Variants in NDE1 observed in about 807,000 individuals in gnomAD.
NDE1 encodes nuclear distribution protein nudE homolog 1.
Under a neutral mutation model 43.4 loss-of-function variants are expected in NDE1, and 28 were observed. The ratio of observed to expected loss-of-function variants is 0.65; its 90% CI spans 0.48 to 0.89. The LOEUF is 0.89. Among genes scored for constraint, NDE1 ranks in the 40% least tolerant of loss-of-function variants. The pLI is 0.00. For synonymous variants in NDE1, 184 were observed against 172.0 expected (o/e 1.07, Z -0.55); for missense variants, 441 against 434.1 (o/e 1.02, Z -0.14).
intron 8 of NDE1, chr16:15,697,207 T>A: frequency 2.8e-6 from 1 of 354,396 alleles, no homozygotes; most frequent in Non-Finnish European, 3.9e-6. Context: ...CGTGCTCGGC[T>A]AATTTTTTGT....
chr16:15,708,829 T>A, intron 8 of NDE1: 1 of 1,605,788 alleles, frequency 6.2e-7, no homozygotes, highest in Non-Finnish European at 8.5e-7. Context: ...AAGTTTCCTG[T>A]GGGGGGGGCC....
chr16:15,720,322 G>C lies in NDE1; in HGVS notation c.948-3869G>C, dbSNP rs1432532960. The C allele has an allele frequency of 2.0e-5, 32 of 1,612,544 alleles. No homozygotes were observed. The highest frequency in any genetic ancestry group is 2.7e-5 in the Non-Finnish European group (32 of 1,179,372). On this transcript the variant is annotated intron_variant, in intron 8 of 8. Transcript: ENST00000396354. Reference sequence around the variant, plus strand: ...TCTCATACTCGTGAAGCTGGGCGAGGAATAGAGATGTGTGCTGCCCCACTT... The same window carrying C: ...TCTCATACTCGTGAAGCTGGGCGAGCAATAGAGATGTGTGCTGCCCCACTT...
In NDE1 at chr16:15,725,973, C is replaced by T. The variant is rs1230304138; in HGVS notation, c.*1722C>T. 3.0e-6 allele frequency: 1 copy of T among 335,662 alleles called. No individual in the cohort carries two copies. 20.8% of individuals were successfully genotyped at this position (335,662 alleles called of 1,614,324 possible). The stretch of plus-strand genomic sequence containing the variant: ...TGTACTATCTCCCCCTACCCCCAAC[C>T]CCAGCTGGGCACTCCAGCTCTACTG... On this transcript the variant is annotated 3_prime_UTR_variant, in exon 9 of 9. Coordinates refer to ENST00000396354, the MANE Select transcript of NDE1 (RefSeq NM_017668.3).
At chr16:15,720,398 T>C in intron 8 of NDE1, 1 of 1,512,688 alleles carries the variant, frequency 6.6e-7, no homozygotes, top group Non-Finnish European at 9.0e-7. Context: ...CTGCACCCCT[T>C]CCCCAGCACA....
chr16:15,678,286 G>T, intron 4 of NDE1, among the ~76,000 whole-genome samples: 1 of 152,150 alleles, frequency 6.6e-6, no homozygotes, highest in East Asian at 1.9e-4. Context: ...TGCCAGGAGG[G>T]GTGTGAGACA....
At chr16:15,666,052 G>A (rs1316119871) in intron 2 of NDE1, among the ~76,000 whole-genome samples, 3 of 152,052 alleles carry the variant, frequency 2.0e-5, no homozygotes, top group East Asian at 1.9e-4. Flanking sequence ...CACCACGCCC[G>A]GTGTCCATCT....
chr16:15,707,744 C>T (rs58062082), intron 8 of NDE1, among the ~76,000 whole-genome samples: 29 of 152,056 alleles, frequency 1.9e-4, no homozygotes, highest in Non-Finnish European at 3.7e-4. Context: ...GGCCAAGGCG[C>T]GCGGATCACC....
At chr16:15,650,965 A>G (rs1001253225) in intron 1 of NDE1, among the ~76,000 whole-genome samples, 5 of 152,114 alleles carry the variant, frequency 3.3e-5, no homozygotes, top group African/African-American at 1.2e-4. Flanking sequence ...GTTTCTTCTG[A>G]CAGCACTTTG....
intron 8 of NDE1, chr16:15,715,392 A>C (rs1224808329): frequency 4.8e-6 from 4 of 835,748 alleles, no homozygotes; most frequent in Non-Finnish European, 8.1e-6. Context: ...ACTCCTCTCA[A>C]GAATCAGTCA....
chr16:15,682,850 G>A (rs566896230), intron 4 of NDE1, among the ~76,000 whole-genome samples: 13 of 152,004 alleles, frequency 8.6e-5, no homozygotes, highest in African/African-American at 2.7e-4. Context: ...TCAGCCTCTC[G>A]AGTAGCTGGG....
At chr16:15,687,623 T>G (rs759903336) in intron 5 of NDE1, 112 bp downstream of exon 5, 14 of 1,043,940 alleles carry the variant, frequency 1.3e-5, no homozygotes, top group Non-Finnish European at 2.1e-5. Context: ...CACCCTGCTC[T>G]GCACCCAGGT....
exon 1 of NDE1, chr16:15,643,607 G>T: frequency 7.2e-6 from 2 of 276,938 alleles, no homozygotes; most frequent in Non-Finnish European, 1.4e-5. Context: ...GTCACGTGAT[G>T]GTCCTACTTT....
At chr16:15,656,959 G>C (rs2036798595) in intron 1 of NDE1, among the ~76,000 whole-genome samples, 2 of 152,152 alleles carry the variant, frequency 1.3e-5, no homozygotes, top group African/African-American at 4.8e-5. Context: ...ATTGGATCTT[G>C]CACATCTTTT....
intron 8 of NDE1, chr16:15,714,645 C>T (rs1238949374): frequency 3.4e-6 from 2 of 579,798 alleles, no homozygotes; most frequent in Non-Finnish European, 6.2e-6. Context: ...CCTCTTCCTC[C>T]TCCTCAGCCG....
rs765098754 is a variant in NDE1, at chr16:15,691,337, G to A, written c.703+14G>A. On this transcript the variant is annotated intron_variant, in intron 6 of 8. Transcript: ENST00000396354. ...GCTTCAGACGTGGTAAGGGGAGTGG[G>A]AATTGCAGGATTTTCTCGGTTCACA... 3.1e-5 allele frequency: 50 copies of A among 1,613,444 alleles called. 1 individual carries two copies. In the South Asian group the frequency reaches 5.4e-4, roughly 17 times the overall value.
chr16:15,703,963 G>C (rs1180951826), intron 8 of NDE1: 2 of 1,613,400 alleles, frequency 1.2e-6, no homozygotes, highest in Non-Finnish European at 1.7e-6. Context: ...TGGTTTTCTT[G>C]CCGTGGTGCA....
At chr16:15,664,692 G>C (rs1315016554) in intron 1 of NDE1, 44 bp from the exon 2 acceptor site, 4 of 1,007,554 alleles carry the variant, frequency 4.0e-6, no homozygotes, top group South Asian at 2.6e-5. Flanking sequence ...GGGATCAGCT[G>C]TTTAACCAGA....
At chr16:15,682,807 C>T (rs1367674967) in intron 4 of NDE1, among the ~76,000 whole-genome samples, 1 of 152,266 alleles carries the variant, frequency 6.6e-6, no homozygotes, top group South Asian at 2.1e-4. Flanking sequence ...TCACTGCAGC[C>T]TCTGCCTCCC....
chr16:15,685,011 C>A lies in NDE1; in HGVS notation c.387-2364C>A, dbSNP rs148823280. On this transcript the variant is annotated intron_variant, in intron 4 of 8. Coordinates refer to ENST00000396354, the MANE Select transcript of NDE1 (RefSeq NM_017668.3). Reference sequence around the variant, plus strand: ...TTCAAATCAGTCCAGTTTATTCCCCCAGTAGAAACGTATTAAGACAGTGTT... The same window carrying A: ...TTCAAATCAGTCCAGTTTATTCCCCAAGTAGAAACGTATTAAGACAGTGTT... 2.6e-3 allele frequency among the ~76,000 whole-genome samples: 395 copies of A among 152,286 alleles called. 5 individuals are homozygous for A. The highest frequency in any genetic ancestry group is 8.8e-3 in the African/African-American group (367 of 41,562).
Sources: gnomAD v4.1 joint callset for allele counts (sites outside exome capture counted in the v4.1 genomes callset) on GRCh38, gnomAD v4.1.1 for gene constraint, MANE v1.5 for transcripts, NCBI Gene and HGNC (gene_info 2026-07-23, HGNC 2026-07-21) for gene names.